Variants in PLCB4 observed in about 807,000 individuals in gnomAD.
PLCB4 encodes the protein 1-phosphatidylinositol 4,5-bisphosphate phosphodiesterase beta-4.
PLCB4 carries 77 observed loss-of-function variants against 178.8 expected under a neutral mutation model. The observed-to-expected ratio is 0.43, with a 90% CI of 0.36 to 0.52. PLCB4 has a LOEUF of 0.52. PLCB4 is among the 20% of genes least tolerant of loss of function. The probability of loss-of-function intolerance (pLI) is 0.00; values close to 1 mark genes in which losing one functional copy is unlikely to be tolerated. For synonymous variants in PLCB4, 496 were observed against 490.8 expected (o/e 1.01, Z -0.14); for missense variants, 1,024 against 1,453.4 (o/e 0.70, Z 4.80).
At position 9,362,978 on chromosome 20, in the gene PLCB4, G is replaced by A; in HGVS notation, c.449+3G>A. The A allele has an allele frequency of 4.4e-6, 7 of 1,598,012 alleles. No homozygotes were observed. The highest frequency in any genetic ancestry group is 6.0e-6 in the Non-Finnish European group (7 of 1,165,700). ...CCAATGACATGCCTCAAGAAACAGT[G>A]AGTGTTGTTTGCATTACTCGTTTTT... On this transcript the variant is annotated splice_donor_region_variant and intron_variant, in intron 8 of 39. Coordinates refer to ENST00000378473, the MANE Select transcript of PLCB4 (RefSeq NM_001377142.1).
intron 3 of PLCB4, among the ~76,000 whole-genome samples, chr20:9,293,622 T>TATTCGTTCATTC (rs1555778692): frequency 1.6e-3 from 243 of 150,866 alleles, no homozygotes; most frequent in Admixed American, 2.7e-3. Flanking sequence ...CAGAGTAAAA[T>TATTCGTTCATTC]ATTCATTCAT....
chr20:9,291,906 A>G (rs879611894), intron 3 of PLCB4, among the ~76,000 whole-genome samples: 4 of 152,196 alleles, frequency 2.6e-5, no homozygotes, highest in Admixed American at 2.6e-4. Context: ...TCTAATATGC[A>G]TGGTCTTAGG....
At position 9,301,675 on chromosome 20, in the gene PLCB4, C is replaced by G. The variant is rs115824714; in HGVS notation, c.-15-6125C>G. Among the ~76,000 whole-genome samples, 307 of 152,196 alleles carry G rather than the reference C, an allele frequency of 2.0e-3. 2 individuals are homozygous for G. The highest frequency in any genetic ancestry group is 7.1e-3 in the African/African-American group (294 of 41,540). On this transcript the variant is annotated intron_variant, in intron 3 of 39. Coordinates refer to ENST00000378473, the MANE Select transcript of PLCB4 (RefSeq NM_001377142.1). ...CTTGAATATTTGGCCCCTCGACAGC[C>G]CACCTCAGCCCCCTTGTGTTCCTCC...
At position 9,468,977 on chromosome 20, in the gene PLCB4, A is replaced by ATT. The variant is rs11482173; in HGVS notation, c.3350+315_3350+316dup. Among the ~76,000 whole-genome samples the ATT allele has an allele frequency of 1.8e-3, 267 of 146,892 alleles. 2 individuals carry two copies. The South Asian group carries it at 0.022, about 12-fold the overall frequency. ...TATAATTCTTTTTTTTATTTTATTC[A>ATT]TTTTTTTTTTTGCTTGTTTGTTTTG... On this transcript the variant is annotated intron_variant, in intron 36 of 39. Coordinates refer to ENST00000378473, the MANE Select transcript of PLCB4 (RefSeq NM_001377142.1).
chr20:9,155,455 G>C (rs1471945421), intron 2 of PLCB4, among the ~76,000 whole-genome samples: 1 of 152,170 alleles, frequency 6.6e-6, no homozygotes, highest in Non-Finnish European at 1.5e-5. Flanking sequence ...GGTGTGGAAA[G>C]CTGAAGAACT....
intron 2 of PLCB4, among the ~76,000 whole-genome samples, chr20:9,191,758 C>A (rs1157510424): frequency 6.6e-6 from 1 of 152,070 alleles, no homozygotes. Context: ...CCCTCCAGCA[C>A]CTCCAAAATA....
At chr20:9,289,627 C>T (rs2094563371) in intron 3 of PLCB4, among the ~76,000 whole-genome samples, 2 of 151,934 alleles carry the variant, frequency 1.3e-5, no homozygotes, top group Non-Finnish European at 2.9e-5. Context: ...TAAATACAGT[C>T]CCAGGAAAGG....
chr20:9,371,074 A>C (rs1386750708), intron 9 of PLCB4, 140 bp from the exon 10 acceptor site: 43 of 634,712 alleles, frequency 6.8e-5, no homozygotes, highest in Non-Finnish European at 7.2e-5. Context: ...GAAATGAAAA[A>C]CATCTGCAAT....
intron 1 of PLCB4, among the ~76,000 whole-genome samples, chr20:9,095,296 C>A (rs778456178): frequency 1.5e-4 from 23 of 152,176 alleles, no homozygotes; most frequent in Non-Finnish European, 3.4e-4. Context: ...ACTGTGGTCT[C>A]CTTGAATTTA....
intron 2 of PLCB4, among the ~76,000 whole-genome samples, chr20:9,125,924 C>T (rs957688657): frequency 1.7e-4 from 26 of 152,096 alleles, no homozygotes; most frequent in African/African-American, 5.8e-4. Flanking sequence ...TTGGGGGAGA[C>T]AGGCATTAAC....
chr20:9,229,244 G>A (rs781373968), intron 3 of PLCB4, among the ~76,000 whole-genome samples: 2 of 152,080 alleles, frequency 1.3e-5, no homozygotes, highest in Admixed American at 6.5e-5. Flanking sequence ...ATTTCCCTAC[G>A]GGCGTGGAAG....
intron 3 of PLCB4, among the ~76,000 whole-genome samples, chr20:9,251,800 A>T (rs989549548): frequency 2.0e-5 from 3 of 152,224 alleles, no homozygotes; most frequent in Admixed American, 2.0e-4. Flanking sequence ...TGCTAGCCAC[A>T]TACATAATTT....
chr20:9,448,233 A>G (rs1418638478), intron 32 of PLCB4, among the ~76,000 whole-genome samples: 1 of 152,144 alleles, frequency 6.6e-6, no homozygotes, highest in Non-Finnish European at 1.5e-5. Flanking sequence ...TTGCCACATA[A>G]TAGTAAGAAT....
intron 3 of PLCB4, among the ~76,000 whole-genome samples, chr20:9,257,080 G>A (rs80336291): frequency 2.1e-3 from 314 of 152,228 alleles, no homozygotes; most frequent in African/African-American, 7.4e-3. Context: ...TCTGATACAG[G>A]TATGAGAGAA....
At chr20:9,407,774 T>A in intron 21 of PLCB4, 143 bp from the exon 22 acceptor site, 1 of 578,714 alleles carries the variant, frequency 1.7e-6, no homozygotes, top group Non-Finnish European at 2.9e-6. Flanking sequence ...TCTTAAAGTA[T>A]CCTTTAGCAT....
chr20:9,468,730 ACTTT>A (rs2043974812), intron 36 of PLCB4, 58 bp downstream of exon 36: 2 of 993,710 alleles, frequency 2.0e-6, no homozygotes, highest in Non-Finnish European at 3.2e-6. Flanking sequence ...CACAGTCTCA[ACTTT>A]CTTTATGTGT....
intron 2 of PLCB4, among the ~76,000 whole-genome samples, chr20:9,185,310 G>A (rs1001070306): frequency 3.3e-5 from 5 of 149,790 alleles, no homozygotes; most frequent in South Asian, 2.1e-4. Context: ...ATTTTCTATA[G>A]TTTTTTTTTT....
chr20:9,262,104 T>G (rs1178890442), intron 3 of PLCB4, among the ~76,000 whole-genome samples: 1 of 152,172 alleles, frequency 6.6e-6, no homozygotes, highest in African/African-American at 2.4e-5. Flanking sequence ...AATTGTGTCT[T>G]CTATCGTCAG....
At chr20:9,221,936 T>C (rs1443365134) in intron 3 of PLCB4, among the ~76,000 whole-genome samples, 1 of 152,144 alleles carries the variant, frequency 6.6e-6, no homozygotes, top group Non-Finnish European at 1.5e-5. Context: ...TTTTATTTCC[T>C]AATAGTTCAC....
Sources: allele counts gnomAD v4.1 joint callset (sites outside exome capture counted in the v4.1 genomes callset), GRCh38; gene constraint gnomAD v4.1.1; transcripts MANE v1.5; gene names NCBI Gene and HGNC (gene_info 2026-07-23, HGNC 2026-07-21).